Variants in WWOX observed in about 807,000 individuals in gnomAD.
WWOX encodes the protein WW domain-containing oxidoreductase.
WWOX carries 69 observed loss-of-function variants against 46.2 expected under a neutral mutation model. The ratio of observed to expected loss-of-function variants is 1.49; its 90% confidence interval spans 1.23 to 1.82. The LOEUF is 1.82. WWOX is among the 40% of genes most tolerant of loss of function. The pLI, the probability that WWOX is intolerant of heterozygous loss-of-function variation, is 0.00. For synonymous variants in WWOX, 359 were observed against 202.6 expected (o/e 1.77, Z -6.56); for missense variants, 919 against 542.6 (o/e 1.69, Z -6.89).
intron 8 of WWOX, among the ~76,000 whole-genome samples, chr16:79,159,517 A>G (rs2050444288): frequency 6.6e-6 from 1 of 152,024 alleles, no homozygotes; most frequent in Non-Finnish European, 1.5e-5. Flanking sequence ...TATATTTGAG[A>G]CTTGTACACA....
At chr16:78,850,469 G>A (rs4145518) in intron 8 of WWOX, among the ~76,000 whole-genome samples, 119,444 of 152,162 alleles carry the variant, frequency 0.78, 47,512 homozygotes, top group Middle Eastern at 0.88. Context: ...TATAGCTCAT[G>A]AACTCTTCAA....
At chr16:78,510,043 C>G (rs149444711) in intron 8 of WWOX, among the ~76,000 whole-genome samples, 91 of 151,154 alleles carry the variant, frequency 6.0e-4, no homozygotes, top group Admixed American at 2.1e-3. Flanking sequence ...GCCTGGGCAA[C>G]AAAGAGAGAT....
At chr16:78,951,242 T>C (rs1280296092) in intron 8 of WWOX, among the ~76,000 whole-genome samples, 1 of 152,214 alleles carries the variant, frequency 6.6e-6, no homozygotes, top group East Asian at 1.9e-4. Context: ...TCAGCTGTAC[T>C]TCCATCTCTG....
At chr16:78,116,521 T>G (rs774463590) in intron 4 of WWOX, among the ~76,000 whole-genome samples, 1 of 152,174 alleles carries the variant, frequency 6.6e-6, no homozygotes, top group Non-Finnish European at 1.5e-5. Context: ...TCAAATCAAC[T>G]CTCATACCTC....
At chr16:79,128,606 A>G (rs147813177) in intron 8 of WWOX, among the ~76,000 whole-genome samples, 23 of 152,316 alleles carry the variant, frequency 1.5e-4, no homozygotes, top group Non-Finnish European at 2.1e-4. Flanking sequence ...TAGCAAATGC[A>G]GTGGCACAGA....
At chr16:79,019,207 C>G (rs376561627) in intron 8 of WWOX, among the ~76,000 whole-genome samples, 1 of 104,722 alleles carries the variant, frequency 9.5e-6, no homozygotes, top group African/African-American at 3.6e-5. Flanking sequence ...GTTGGAATGA[C>G]ATCAGACTCA....
intron 8 of WWOX, among the ~76,000 whole-genome samples, chr16:78,794,216 A>G (rs548477753): frequency 9.8e-5 from 15 of 152,306 alleles, no homozygotes; most frequent in African/African-American, 3.6e-4. Flanking sequence ...AAGAATATCC[A>G]TGAATCTATG....
chr16:78,763,097 G>C (rs2049833306), intron 8 of WWOX, among the ~76,000 whole-genome samples: 1 of 152,188 alleles, frequency 6.6e-6, no homozygotes, highest in African/African-American at 2.4e-5. Context: ...CACCTACTCT[G>C]TGCCAAAGCA....
chr16:79,078,089 A>G (rs1261409955), intron 8 of WWOX: 1 of 152,082 alleles, frequency 6.6e-6, no homozygotes, highest in Non-Finnish European at 1.5e-5. Flanking sequence ...TTTTTTTTAG[A>G]ACTGGAAGTT....
chr16:78,762,581 A>G (rs1782491578), intron 8 of WWOX, among the ~76,000 whole-genome samples: 1 of 152,238 alleles, frequency 6.6e-6, no homozygotes, highest in Non-Finnish European at 1.5e-5. Flanking sequence ...GAGGTGACAC[A>G]GTACTAACAG....
intron 5 of WWOX, among the ~76,000 whole-genome samples, chr16:78,184,526 G>T (rs867814407): frequency 6.6e-6 from 1 of 151,526 alleles, no homozygotes; most frequent in African/African-American, 2.4e-5. Flanking sequence ...CAGCTTAGCC[G>T]GCACCCACAT....
chr16:78,530,795 T>G (rs1194065219), intron 8 of WWOX, among the ~76,000 whole-genome samples: 4 of 152,226 alleles, frequency 2.6e-5, no homozygotes, highest in Admixed American at 2.0e-4. Flanking sequence ...ATGGTGAGAT[T>G]GGCATCTAGC....
At chr16:78,653,890 A>G (rs754554528) in intron 8 of WWOX, among the ~76,000 whole-genome samples, 2 of 152,258 alleles carry the variant, frequency 1.3e-5, no homozygotes, top group Non-Finnish European at 2.9e-5. Context: ...TATTACATGC[A>G]GCAGGACACA....
At chr16:79,029,469 A>C (rs183474230) in intron 8 of WWOX, among the ~76,000 whole-genome samples, 7 of 152,236 alleles carry the variant, frequency 4.6e-5, no homozygotes, top group Admixed American at 1.3e-4. Context: ...TTTAGCTATT[A>C]CTCATCTGAA....
At chr16:79,133,571 T>G (rs1189308150) in intron 8 of WWOX, among the ~76,000 whole-genome samples, 1 of 152,222 alleles carries the variant, frequency 6.6e-6, no homozygotes, top group African/African-American at 2.4e-5. Context: ...TTCTTTATTA[T>G]TTTAATGGAG....
chr16:78,895,756 C>G (rs1165527943), intron 8 of WWOX: 2 of 152,148 alleles, frequency 1.3e-5, no homozygotes, highest in Non-Finnish European at 2.9e-5. Context: ...TGTAATATGG[C>G]TCTGGCAAAT....
chr16:78,821,020 T>G (rs1190150146), intron 8 of WWOX, among the ~76,000 whole-genome samples: 1 of 152,202 alleles, frequency 6.6e-6, no homozygotes, highest in Non-Finnish European at 1.5e-5. Flanking sequence ...ATCTCATTCC[T>G]TATCTTAATT....
chr16:79,074,702 T>C (rs1309224249), intron 8 of WWOX, among the ~76,000 whole-genome samples: 1 of 152,024 alleles, frequency 6.6e-6, no homozygotes, highest in Admixed American at 6.6e-5. Context: ...GCATATGTTA[T>C]TTATCCTCTT....
chr16:78,138,904 C>T (rs2033890961), intron 4 of WWOX, among the ~76,000 whole-genome samples: 1 of 152,170 alleles, frequency 6.6e-6, no homozygotes, highest in African/African-American at 2.4e-5. Context: ...AAGATGTTCC[C>T]CCCATGCAAC....
Sources: gnomAD v4.1 joint callset for allele counts (sites outside exome capture counted in the v4.1 genomes callset) on GRCh38, gnomAD v4.1.1 for gene constraint, MANE v1.5 for transcripts, NCBI Gene and HGNC (gene_info 2026-07-23, HGNC 2026-07-21) for gene names.